Variants in IL1RAPL2 observed in about 807,000 individuals in gnomAD.
IL1RAPL2 encodes the protein X-linked interleukin-1 receptor accessory protein-like 2.
A neutral mutation model predicts 44.1 loss-of-function variants in IL1RAPL2; 3 were observed. The observed-to-expected ratio is 0.07, with a 90% confidence interval of 0.03 to 0.18. IL1RAPL2 has a LOEUF of 0.18. Among genes scored for constraint, IL1RAPL2 ranks in the 10% least tolerant of loss-of-function variants. IL1RAPL2 has a pLI of 1.00. For synonymous variants in IL1RAPL2, 181 were observed against 178.8 expected, an observed-to-expected ratio of 1.01 and a Z score of -0.10; for missense variants, 391 against 496.4, an observed-to-expected ratio of 0.79 and a Z score of 2.02.
At chrX:105,738,925 G>A (rs1169947318) in intron 7 of IL1RAPL2, among the ~76,000 whole-genome samples, 2 of 110,674 alleles carry the variant, frequency 1.8e-5, no homozygotes, top group African/African-American at 3.3e-5. Context: ...GCAGTGTCTG[G>A]AGAAATCAGG....
chrX:105,590,849 T>G (rs202192355), intron 6 of IL1RAPL2, among the ~76,000 whole-genome samples: 168 of 80,451 alleles, frequency 2.1e-3, no homozygotes, highest in African/African-American at 7.0e-3. Context: ...GTGTGTGTGT[T>G]TGTGTGTGTT....
chrX:105,185,825 T>C (rs1378245156), intron 2 of IL1RAPL2, among the ~76,000 whole-genome samples: 1 of 112,139 alleles, frequency 8.9e-6, no homozygotes, highest in East Asian at 2.8e-4. Flanking sequence ...TTCCAGCTAA[T>C]GTGAAAATTA....
intron 2 of IL1RAPL2, among the ~76,000 whole-genome samples, chrX:104,940,879 C>T (rs1481513065): frequency 1.3e-5 from 1 of 77,319 alleles, no homozygotes; most frequent in Non-Finnish European, 2.4e-5. Context: ...CCTCCCCCTC[C>T]CCCCACCCCA....
At position 105,233,804 on chromosome X, in the gene IL1RAPL2, C is replaced by A; in HGVS notation, c.357-14C>A. ...ACCCAATAAAGCCATTTTGTTATTTCTCTGTTCCTACAGAAACTCAACATA... is the reference window on the plus strand; with the variant it reads ...ACCCAATAAAGCCATTTTGTTATTTATCTGTTCCTACAGAAACTCAACATA... On this transcript the variant is annotated splice_polypyrimidine_tract_variant and intron_variant, in intron 3 of 10. Transcript: ENST00000372582. The A allele has an allele frequency of 8.4e-7, 1 of 1,185,467 alleles. No homozygotes were observed. The highest frequency in any genetic ancestry group is 1.1e-6 in the Non-Finnish European group (1 of 878,347).
At chrX:105,169,501 T>C (rs2033404189) in intron 2 of IL1RAPL2, among the ~76,000 whole-genome samples, 1 of 72,939 alleles carries the variant, frequency 1.4e-5, no homozygotes, top group South Asian at 7.4e-4. Context: ...TCTTTTTTTT[T>C]TTTTTTTTTT....
At position 105,030,197 on chromosome X, in the gene IL1RAPL2, C is replaced by T. The variant is rs187984265; in HGVS notation, c.83-165278C>T. ...AAATTTTCTCCCATCCTGTAAGTTG[C>T]CTGTTCACTCTGATGGTAGTTTCTT... On this transcript the variant is annotated intron_variant, in intron 2 of 10. Transcript: ENST00000372582. Among the ~76,000 whole-genome samples the T allele has an allele frequency of 3.3e-3, 364 of 111,343 alleles. 2 individuals are homozygous for T. Among genetic ancestry groups the T allele is most frequent in the African/African-American group, 0.011 (340 of 30,644 alleles).
chrX:104,906,828 G>T (rs1342167926), intron 2 of IL1RAPL2, among the ~76,000 whole-genome samples: 1 of 112,010 alleles, frequency 8.9e-6, no homozygotes, highest in Non-Finnish European at 1.9e-5. Context: ...CATAAAATGA[G>T]TTAGGGAGGA....
intron 2 of IL1RAPL2, among the ~76,000 whole-genome samples, chrX:104,666,335 G>T (rs1261702690): frequency 2.7e-5 from 3 of 111,888 alleles, no homozygotes; most frequent in Non-Finnish European, 3.8e-5. Context: ...TAAATGAAAA[G>T]GTGTGGATAA....
chrX:105,666,061 C>T (rs1283504416), intron 6 of IL1RAPL2, among the ~76,000 whole-genome samples: 1 of 99,027 alleles, frequency 1.0e-5, no homozygotes, highest in Non-Finnish European at 2.0e-5. Flanking sequence ...CGCGCCCGGC[C>T]GTAATAGTTT....
At chrX:104,792,404 T>TG (rs766912658) in intron 2 of IL1RAPL2, among the ~76,000 whole-genome samples, 1 of 111,033 alleles carries the variant, frequency 9.0e-6, no homozygotes, top group African/African-American at 3.3e-5. Context: ...CAATATACTC[T>TG]GGGTGGAGAT....
At chrX:104,633,789 C>T (rs1438793626) in intron 1 of IL1RAPL2, among the ~76,000 whole-genome samples, 55 of 111,216 alleles carry the variant, frequency 4.9e-4, no homozygotes, top group African/African-American at 1.7e-3. Context: ...TTTCAAAAAA[C>T]CAGCCCCTGG....
intron 2 of IL1RAPL2, among the ~76,000 whole-genome samples, chrX:104,841,792 C>T (rs1168548651): frequency 2.7e-5 from 3 of 110,903 alleles, no homozygotes; most frequent in African/African-American, 9.8e-5. Context: ...TTGTGGGTGA[C>T]CTGACCTTTC....
intron 2 of IL1RAPL2, among the ~76,000 whole-genome samples, chrX:104,919,523 C>CTTT (rs10666066): frequency 0.023 from 1,932 of 84,555 alleles, 40 homozygotes; most frequent in Non-Finnish European, 0.033. Flanking sequence ...CCACGCCTGG[C>CTTT]TTTTTTTTTT....
intron 2 of IL1RAPL2, among the ~76,000 whole-genome samples, chrX:104,680,390 G>A (rs967300986): frequency 1.8e-5 from 2 of 110,907 alleles, no homozygotes; most frequent in African/African-American, 6.6e-5. Context: ...TGTATCGATA[G>A]CTTTCATAAA....
intron 4 of IL1RAPL2, among the ~76,000 whole-genome samples, chrX:105,255,200 A>G (rs183632394): frequency 1.4e-4 from 16 of 111,233 alleles, no homozygotes; most frequent in African/African-American, 5.2e-4. Flanking sequence ...ATTTTTTTGC[A>G]TCTTCTCTGA....
chrX:105,636,466 C>G (rs1402345528), intron 6 of IL1RAPL2, among the ~76,000 whole-genome samples: 2 of 111,608 alleles, frequency 1.8e-5, no homozygotes, highest in East Asian at 2.8e-4. Context: ...TATGTTTTAT[C>G]TCTCTGATAG....
chrX:105,262,034 C>T (rs2034363779), intron 4 of IL1RAPL2, among the ~76,000 whole-genome samples: 1 of 111,672 alleles, frequency 9.0e-6, no homozygotes, highest in South Asian at 3.7e-4. Flanking sequence ...TTTCCTTCTC[C>T]ATGTCAAAAG....
intron 5 of IL1RAPL2, among the ~76,000 whole-genome samples, chrX:105,447,394 T>A (rs1300142500): frequency 1.3e-4 from 9 of 68,697 alleles, no homozygotes; most frequent in African/African-American, 5.9e-4. Flanking sequence ...TAAATATAAA[T>A]ATATAAATAT....
chrX:104,775,120 T>C (rs948009619), intron 2 of IL1RAPL2, among the ~76,000 whole-genome samples: 1 of 112,587 alleles, frequency 8.9e-6, no homozygotes, highest in South Asian at 3.6e-4. Context: ...TAAAAGTTAG[T>C]GCTCAATTGT....
Sources: gnomAD v4.1 joint callset for allele counts (sites outside exome capture counted in the v4.1 genomes callset) on GRCh38, gnomAD v4.1.1 for gene constraint, MANE v1.5 for transcripts, NCBI Gene and HGNC (gene_info 2026-07-23, HGNC 2026-07-21) for gene names.